CLHC1: variants seen among roughly 807,000 people sequenced by gnomAD.
CLHC1 encodes clathrin heavy chain linker domain containing 1.
In CLHC1, 72 loss-of-function variants were observed where a neutral mutation model predicts 69.5. The observed-to-expected ratio is 1.04, with a 90% CI of 0.86 to 1.26. The LOEUF is 1.26. CLHC1 is among the 50% of genes most tolerant of loss of function. CLHC1 has a pLI of 0.00. For missense variants in CLHC1, 790 were observed against 679.3 expected, an observed-to-expected ratio of 1.16 and a Z score of -1.81; for synonymous variants, 223 against 224.3, an observed-to-expected ratio of 0.99 and a Z score of 0.05.
intron 1 of CLHC1, chr2:55,232,022 G>A (rs532356664): frequency 6.6e-6 from 1 of 152,418 alleles, no homozygotes; most frequent in South Asian, 2.1e-4. Context: ...CAGTTTGCCT[G>A]GAGCAGGCCA....
intron 11 of CLHC1, among the ~76,000 whole-genome samples, chr2:55,179,031 C>T (rs1056122705): frequency 1.3e-5 from 2 of 151,556 alleles, no homozygotes; most frequent in Non-Finnish European, 2.9e-5. Flanking sequence ...TGGGCTCAAG[C>T]GATCTTCCCA....
At chr2:55,231,535 GGAGA>G (rs1238924548) in intron 1 of CLHC1, among the ~76,000 whole-genome samples, 8 of 152,268 alleles carry the variant, frequency 5.3e-5, no homozygotes, top group African/African-American at 1.7e-4. Context: ...AGGAAAGACT[GGAGA>G]GAGATAAGGA....
At chr2:55,190,105 C>G (rs938246574) in intron 9 of CLHC1, among the ~76,000 whole-genome samples, 1 of 151,910 alleles carries the variant, frequency 6.6e-6, no homozygotes, top group African/African-American at 2.4e-5. Flanking sequence ...AGTGCAGTGG[C>G]GTGATCTCGG....
chr2:55,208,547 T>C lies in CLHC1; in HGVS notation c.899+79A>G, dbSNP rs577116918. 153 of 866,758 alleles carry C rather than the reference T, an allele frequency of 1.8e-4. No homozygotes were observed. The South Asian group carries it at 2.1e-3, about 12-fold the overall frequency. 53.7% of individuals were successfully genotyped at this position (866,758 alleles called of 1,614,324 possible). On this transcript the variant is annotated intron_variant, in intron 8 of 12. Transcript: ENST00000401408. ...TATCTCCTCTGAAAAATCTCCTAGA[T>C]TCCCAATCTGGTATGTTATTCACAA...
chr2:55,222,639 G>C (rs1413926862), intron 2 of CLHC1, 146 bp from the exon 3 acceptor site: 1 of 358,056 alleles, frequency 2.8e-6, no homozygotes, highest in African/African-American at 2.1e-5. Flanking sequence ...GGTCTATGCT[G>C]CCAAGCGTGG....
intron 4 of CLHC1, among the ~76,000 whole-genome samples, chr2:55,217,601 A>C (rs1468887784): frequency 7.5e-6 from 1 of 133,768 alleles, no homozygotes; most frequent in Non-Finnish European, 1.6e-5. Context: ...AGGTACTATA[A>C]ACGTTCTCAA....
chr2:55,200,915 G>A (rs1019499869), intron 9 of CLHC1, among the ~76,000 whole-genome samples: 9 of 152,170 alleles, frequency 5.9e-5, no homozygotes, highest in Middle Eastern at 3.4e-3. Flanking sequence ...TAAACAATAC[G>A]CTCCTGACTG....
intron 3 of CLHC1, among the ~76,000 whole-genome samples, chr2:55,219,924 C>CAA (rs770309614): frequency 1.3e-5 from 2 of 152,114 alleles, no homozygotes; most frequent in Non-Finnish European, 2.9e-5. Flanking sequence ...TTGGTAGAGA[C>CAA]AGAGTGTTGC....
In CLHC1 at chr2:55,186,994, C is replaced by T. The variant is rs1006535968; in HGVS notation, c.1007-5250G>A. Among the ~76,000 whole-genome samples, 9 of 151,620 alleles carry T rather than the reference C, an allele frequency of 5.9e-5. No homozygotes were observed. The South Asian group carries it at 1.3e-3, about 21-fold the overall frequency. ...ATATTTAAAAAAATAAGGCCAGGCGCGGTGGCTCAGGCCTGTAATCCCAGC... is the reference window on the plus strand; with the variant it reads ...ATATTTAAAAAAATAAGGCCAGGCGTGGTGGCTCAGGCCTGTAATCCCAGC... On this transcript the variant is annotated intron_variant, in intron 9 of 12. Transcript: ENST00000401408.
At chr2:55,216,676 C>T (rs1457406299) in intron 4 of CLHC1, among the ~76,000 whole-genome samples, 1 of 150,494 alleles carries the variant, frequency 6.6e-6, no homozygotes, top group Non-Finnish European at 1.5e-5. Flanking sequence ...TGGGACCACA[C>T]CCAGCTAATT....
chr2:55,184,121 T>TTTTG (rs1558452511), intron 9 of CLHC1, among the ~76,000 whole-genome samples: 1 of 150,578 alleles, frequency 6.6e-6, no homozygotes, highest in Non-Finnish European at 1.5e-5. Context: ...TTTTTTTTTT[T>TTTTG]TCGAGACAGG....
chr2:55,185,738 G>C (rs1377009675), intron 9 of CLHC1, among the ~76,000 whole-genome samples: 2 of 152,010 alleles, frequency 1.3e-5, no homozygotes, highest in Non-Finnish European at 2.9e-5. Flanking sequence ...GAAAGGATTG[G>C]GTCTTACTAA....
At chr2:55,190,362 C>A (rs964416391) in intron 9 of CLHC1, among the ~76,000 whole-genome samples, 1 of 152,142 alleles carries the variant, frequency 6.6e-6, no homozygotes, top group African/African-American at 2.4e-5. Context: ...TTCTTAATGT[C>A]TTGCATCCAA....
At chr2:55,195,460 T>C (rs1319410644) in intron 9 of CLHC1, among the ~76,000 whole-genome samples, 1 of 152,230 alleles carries the variant, frequency 6.6e-6, no homozygotes, top group Non-Finnish European at 1.5e-5. Context: ...GCAAGATGAC[T>C]GAATAGAAGC....
rs537398192 is a variant in CLHC1, at chr2:55,212,756, T to C, written c.416A>G (p.His139Arg). The stretch of plus-strand genomic sequence containing the variant: ...ATACTCTGCCCTACACTGCTTGATG[T>C]GATCTATTTGAGATTGAATCTTCGA... ...NSSKIQSQIDHIKQCRAEYDT... is the reference protein window; with the variant it reads ...NSSKIQSQIDRIKQCRAEYDT... Residue 139 changes from histidine (H) to arginine (R), a missense_variant, in exon 5 of 13, where the codon CAC becomes CGC. Physicochemically the swap from His to Arg is conservative, Grantham distance 29. Coordinates refer to ENST00000401408, the MANE Select transcript of CLHC1 (RefSeq NM_152385.4). 29 of 1,598,936 alleles carry C rather than the reference T, an allele frequency of 1.8e-5. No individual in the cohort carries two copies. In the East Asian group the frequency reaches 6.0e-4, roughly 33 times the overall value.
chr2:55,227,629 G>C lies in CLHC1; in HGVS notation c.-83+403C>G, dbSNP rs1674835428. On this transcript the variant is annotated intron_variant, in intron 2 of 12. Coordinates refer to ENST00000401408, the MANE Select transcript of CLHC1 (RefSeq NM_152385.4). ...GGAGGTGGAGGTTGCAGTGAGCCGAGATTGAGCCACTGCACTCCAGCCTGG... is the reference window on the plus strand; with the variant it reads ...GGAGGTGGAGGTTGCAGTGAGCCGACATTGAGCCACTGCACTCCAGCCTGG... 2.8e-5 allele frequency among the ~76,000 whole-genome samples: 4 copies of C among 143,394 alleles called. No individual in the cohort carries two copies. In the South Asian group the frequency reaches 6.5e-4, roughly 23 times the overall value. 94.1% of individuals were successfully genotyped at this position (143,394 alleles called of 152,430 possible).
At chr2:55,222,963 A>G (rs1195005199) in intron 2 of CLHC1, among the ~76,000 whole-genome samples, 3 of 149,226 alleles carry the variant, frequency 2.0e-5, no homozygotes, top group Non-Finnish European at 3.0e-5. Context: ...TTCCACTGCC[A>G]TATGCTGCTG....
At chr2:55,194,863 G>A (rs1295371725) in intron 9 of CLHC1, among the ~76,000 whole-genome samples, 1 of 152,026 alleles carries the variant, frequency 6.6e-6, no homozygotes, top group Non-Finnish European at 1.5e-5. Context: ...CTGTGTGTGT[G>A]TGTGTTTGTG....
intron 2 of CLHC1, among the ~76,000 whole-genome samples, chr2:55,227,082 C>T (rs1008443989): frequency 6.6e-6 from 1 of 152,078 alleles, no homozygotes; most frequent in Non-Finnish European, 1.5e-5. Context: ...GAGGAGACAC[C>T]AAAATAATTC....
Sources: allele counts gnomAD v4.1 joint callset (sites outside exome capture counted in the v4.1 genomes callset), GRCh38; gene constraint gnomAD v4.1.1; transcripts MANE v1.5; gene names NCBI Gene and HGNC (gene_info 2026-07-23, HGNC 2026-07-21).